Variants in TSNARE1 observed in about 807,000 individuals in gnomAD.
TSNARE1 encodes t-SNARE domain containing 1, also known as t-SNARE domain-containing protein 1.
In TSNARE1, 49 loss-of-function variants were observed where a neutral mutation model predicts 62.0. The ratio of observed to expected loss-of-function variants is 0.79; its 90% CI spans 0.63 to 1.00. The LOEUF (loss-of-function observed/expected upper bound fraction) is 1.00, where lower values mean the gene tolerates loss of function less well. Ranked by LOEUF, TSNARE1 falls within the 50% of genes least tolerant of loss-of-function variation. TSNARE1 has a pLI of 0.00. For missense variants in TSNARE1, 755 were observed against 700.1 expected (o/e 1.08, Z -0.88); for synonymous variants, 328 against 294.4 (o/e 1.11, Z -1.17).
chr8:142,387,271 A>T (rs1397758485), intron 1 of TSNARE1, among the ~76,000 whole-genome samples: 2 of 152,212 alleles, frequency 1.3e-5, no homozygotes, highest in South Asian at 4.1e-4. Flanking sequence ...GATAAGGAAA[A>T]TATGTCTCAT....
intron 13 of TSNARE1, among the ~76,000 whole-genome samples, chr8:142,223,012 T>TCACTCAGC (rs1352966346): frequency 8.0e-5 from 12 of 149,550 alleles, no homozygotes; most frequent in African/African-American, 2.7e-4. Context: ...ACTCATTTAC[T>TCACTCAGC]CACTCACTCA....
upstream of TSNARE1, chr8:142,406,652 C>G (rs540513378): frequency 6.6e-6 from 1 of 152,416 alleles, no homozygotes; most frequent in East Asian, 1.9e-4. Context: ...GATGCTCAGC[C>G]TGAGGCACAC....
intron 2 of TSNARE1, among the ~76,000 whole-genome samples, chr8:142,353,052 T>C (rs116187930): frequency 0.012 from 1,797 of 151,994 alleles, 37 homozygotes; most frequent in African/African-American, 0.041. Flanking sequence ...GGAAGGAACC[T>C]CCATCCACAC....
chr8:142,310,516 T>TCC (rs1827400966), intron 9 of TSNARE1, among the ~76,000 whole-genome samples: 1 of 152,092 alleles, frequency 6.6e-6, no homozygotes, highest in Non-Finnish European at 1.5e-5. Flanking sequence ...GTGGAGGGGG[T>TCC]TCTGTTGATG....
intron 1 of TSNARE1, among the ~76,000 whole-genome samples, chr8:142,358,192 G>A (rs1339618886): frequency 6.2e-5 from 5 of 80,424 alleles, no homozygotes; most frequent in South Asian, 9.6e-4. Flanking sequence ...TGCAAAGGGC[G>A]GCGGGGTCTG....
intron 11 of TSNARE1, among the ~76,000 whole-genome samples, chr8:142,284,174 T>A (rs1350394066): frequency 6.6e-6 from 1 of 151,948 alleles, no homozygotes; most frequent in East Asian, 1.9e-4. Flanking sequence ...TGTCTGTCAA[T>A]GAGCAGAGCA....
chr8:142,347,958 G>A (rs1480999079), intron 2 of TSNARE1, among the ~76,000 whole-genome samples: 1 of 152,180 alleles, frequency 6.6e-6, no homozygotes, highest in Non-Finnish European at 1.5e-5. Context: ...GTTATTCCAC[G>A]CTGCTCCCCA....
intron 6 of TSNARE1, 86 bp downstream of exon 6, chr8:142,330,815 G>A (rs1051088056): frequency 4.6e-5 from 63 of 1,380,262 alleles, no homozygotes; most frequent in East Asian, 3.5e-4. Flanking sequence ...GACAAAGCCC[G>A]TGTGCACAGG....
chr8:142,225,297 T>A (rs1017172601), intron 13 of TSNARE1, among the ~76,000 whole-genome samples: 2 of 152,128 alleles, frequency 1.3e-5, no homozygotes, highest in African/African-American at 4.8e-5. Flanking sequence ...TGGCTTCTGC[T>A]GCTGCCTAAC....
chr8:142,263,167 T>C (rs1247518380), intron 12 of TSNARE1, among the ~76,000 whole-genome samples: 1 of 152,240 alleles, frequency 6.6e-6, no homozygotes, highest in Non-Finnish European at 1.5e-5. Flanking sequence ...TAGATAATCC[T>C]GGTCAGTTAA....
At chr8:142,213,536 G>A (rs1200526618) in intron 13 of TSNARE1, among the ~76,000 whole-genome samples, 1 of 152,178 alleles carries the variant, frequency 6.6e-6, no homozygotes, top group Non-Finnish European at 1.5e-5. Flanking sequence ...ACAAACGCCA[G>A]TTGCCTGGCC....
rs1401303616 is a variant in TSNARE1 at position 142,222,682 on chromosome 8, A to AT, written c.*11+6790dup. Among the ~76,000 whole-genome samples the AT allele has an allele frequency of 1.7e-3, 117 of 67,326 alleles. 45 individuals are homozygous for AT. Among genetic ancestry groups the AT allele is most frequent in the East Asian group, 6.1e-3 (13 of 2,120 alleles). 44.2% of individuals were successfully genotyped at this position (67,326 alleles called of 152,430 possible). A position where few individuals can be genotyped will look rare whatever the true frequency, so the allele number is the denominator to read the frequency against. ...CATTCACTCACTCACTCATCCACTC[A>AT]TCCACTCACTCACTCATCCACTCAC... On this transcript the variant is annotated intron_variant, in intron 13 of 13. Transcript: ENST00000524325.
intron 12 of TSNARE1, chr8:142,271,417 C>G (rs34469664): frequency 0.15 from 186,257 of 1,245,750 alleles, 14,992 homozygotes; most frequent in East Asian, 0.26. Context: ...AGTCCAGCAG[C>G]TGCTGCTCAA....
intron 11 of TSNARE1, chr8:142,276,269 A>T: frequency 3.0e-6 from 3 of 985,372 alleles, no homozygotes; most frequent in Non-Finnish European, 3.6e-6. Context: ...ACAGCCCCCA[A>T]CTGAACTCTG....
chr8:142,339,362 CCA>C (rs1205624608), intron 4 of TSNARE1, among the ~76,000 whole-genome samples: 1 of 152,094 alleles, frequency 6.6e-6, no homozygotes, highest in Non-Finnish European at 1.5e-5. Flanking sequence ...GCCCAGGCGA[CCA>C]CAGAGATGGG....
At chr8:142,255,594 T>C (rs62650726) in intron 12 of TSNARE1, among the ~76,000 whole-genome samples, 1 of 2,196 alleles carries the variant, frequency 4.6e-4, no homozygotes, top group Admixed American at 3.7e-3. Context: ...CCACCACCAC[T>C]GTCACCATCA....
chr8:142,280,121 C>T (rs917124345), intron 11 of TSNARE1: 23 of 1,123,232 alleles, frequency 2.0e-5, no homozygotes, highest in African/African-American at 1.7e-4. Flanking sequence ...CGCAGCGCCC[C>T]GAACAGCAGC....
rs547988525 is a variant in TSNARE1 at position 142,402,113 on chromosome 8, G to C, written c.-40+991C>G. The stretch of plus-strand genomic sequence containing the variant: ...AAGCGGAGCTGCCCCCAAGCCAGGA[G>C]CGAGCCAGGAACTAAAAGAAGAGGC... On this transcript the variant is annotated intron_variant, in intron 1 of 13. Coordinates refer to ENST00000524325, the MANE Select transcript of TSNARE1 (RefSeq NM_145003.5). 2.0e-5 allele frequency among the ~76,000 whole-genome samples: 3 copies of C among 152,268 alleles called. No homozygotes were observed. The East Asian group carries it at 5.8e-4, about 29-fold the overall frequency.
chr8:142,372,003 T>C (rs919351675), intron 1 of TSNARE1, among the ~76,000 whole-genome samples: 11 of 152,152 alleles, frequency 7.2e-5, no homozygotes, highest in African/African-American at 1.9e-4. Context: ...CCAGGAAATG[T>C]GTGGTGATTC....
Sources: allele counts gnomAD v4.1 joint callset (sites outside exome capture counted in the v4.1 genomes callset), GRCh38; gene constraint gnomAD v4.1.1; transcripts MANE v1.5; gene names NCBI Gene and HGNC (gene_info 2026-07-23, HGNC 2026-07-21).